PTCH1: variants seen among roughly 807,000 people sequenced by gnomAD.
The protein encoded by PTCH1 is patched 1, also known as protein patched homolog 1.
PTCH1 carries 14 observed loss-of-function variants against 144.6 expected under a neutral mutation model. The ratio of observed to expected loss-of-function variants is 0.10; its 90% CI spans 0.06 to 0.15. PTCH1 has a LOEUF of 0.15. Among genes scored for constraint, PTCH1 ranks in the 10% least tolerant of loss-of-function variants. The pLI is 1.00. For missense variants in PTCH1, 1,623 were observed against 1,948.3 expected, an observed-to-expected ratio of 0.83 and a Z score of 3.14; for synonymous variants, 833 against 793.6, an observed-to-expected ratio of 1.05 and a Z score of -0.83.
At chr9:95,485,914 A>G (rs760213529) in intron 2 of PTCH1, 40 bp from the exon 3 acceptor site, 1 of 1,606,862 alleles carries the variant, frequency 6.2e-7, no homozygotes, top group East Asian at 2.2e-5. Flanking sequence ...TAGCAAAATC[A>G]CTGCAAACTC....
exon 1 of PTCH1, chr9:95,516,775 A>G (rs1170721722): frequency 6.2e-7 from 1 of 1,612,792 alleles, no homozygotes; most frequent in East Asian, 2.2e-5. Flanking sequence ...GGCGGAGTGC[A>G]GCGCGGACTC....
At chr9:95,516,878 C>T (rs1844392144) in exon 1 of PTCH1, 2 of 1,459,766 alleles carry the variant, frequency 1.4e-6, no homozygotes, top group East Asian at 2.3e-5. Context: ...GGTCACGTGA[C>T]GGATCCGAAA....
chr9:95,511,457 G>A (rs1844157244), upstream of PTCH1, among the ~76,000 whole-genome samples: 1 of 152,240 alleles, frequency 6.6e-6, no homozygotes, highest in Non-Finnish European at 1.5e-5. Flanking sequence ...TCCCGAGGAA[G>A]AGAGGGAGAC....
rs1840338998 is a variant in PTCH1, at chr9:95,469,243, C to A, written c.1848-90G>T. The A allele has an allele frequency of 5.9e-6, 9 of 1,529,246 alleles. No individual in the cohort carries two copies. In the Admixed American group the frequency reaches 1.5e-4, roughly 26 times the overall value. 94.7% of individuals were successfully genotyped at this position (1,529,246 alleles called of 1,614,324 possible). ...CATTTTTCACTGTGTACGGAGAATACCCATTTTACACAGCTCTGACTTAGG... is the reference window on the plus strand; with the variant it reads ...CATTTTTCACTGTGTACGGAGAATAACCATTTTACACAGCTCTGACTTAGG... On this transcript the variant is annotated intron_variant, in intron 13 of 23. Transcript: ENST00000331920.
Position 95,446,928 on chromosome 9 carries a change from C to A in PTCH1, c.4328G>T (p.Gly1443Val), listed in dbSNP as rs864622100. The change falls in exon 23 of 24, where the codon GGA becomes GTA. Residue 1443 changes from glycine to valine, a missense_variant. Transcript: ENST00000331920. Reference protein sequence around the residue: ...QDVECEERPRGSSSN With the variant: ...QDVECEERPRVSSSN Reference sequence around the variant, plus strand: ...GCACTCACCTCAGTTGGAGCTGCTTCCCCGGGGCCTCTCCTCGCATTCCAC... The same window carrying A: ...GCACTCACCTCAGTTGGAGCTGCTTACCCGGGGCCTCTCCTCGCATTCCAC... 7.4e-6 allele frequency: 12 copies of A among 1,614,070 alleles called. No individual in the cohort carries two copies. Among genetic ancestry groups the A allele is most frequent in the Non-Finnish European group, 1.0e-5 (12 of 1,180,040 alleles).
chr9:95,455,735 G>GC (rs1416565608), intron 19 of PTCH1, among the ~76,000 whole-genome samples: 1 of 152,156 alleles, frequency 6.6e-6, no homozygotes, highest in African/African-American at 2.4e-5. Flanking sequence ...AACTGGGTGG[G>GC]CTTAGGTAGA....
At chr9:95,473,126 T>C (rs1840723491) in intron 12 of PTCH1, among the ~76,000 whole-genome samples, 1 of 152,208 alleles carries the variant, frequency 6.6e-6, no homozygotes, top group Non-Finnish European at 1.5e-5. Flanking sequence ...CCTAGTTAAT[T>C]ACAAAGAATT....
Position 95,474,389 on chromosome 9 carries a change from C to T in PTCH1, c.1728+1645G>A, listed in dbSNP as rs76197518. Among the ~76,000 whole-genome samples the T allele has an allele frequency of 1.2e-4, 18 of 152,292 alleles. No individual in the cohort carries two copies. In the East Asian group the frequency reaches 3.3e-3, roughly 28 times the overall value. On this transcript the variant is annotated intron_variant, in intron 12 of 23. Transcript: ENST00000331920. ...CACACCTGCGCACAAAGGCATTCTA[C>T]AACTTCAGCTGCACTGCGAGTCTGG...
chr9:95,515,232 CAG>C (rs1480442225), intron 1 of PTCH1, among the ~76,000 whole-genome samples: 59 of 152,178 alleles, frequency 3.9e-4, no homozygotes, highest in Non-Finnish European at 7.4e-5. Context: ...TGCACACACA[CAG>C]AATGCTGAAA....
intron 22 of PTCH1, 40 bp from the exon 23 acceptor site, chr9:95,447,491 G>A: frequency 6.6e-7 from 1 of 1,504,802 alleles, no homozygotes; most frequent in Non-Finnish European, 8.8e-7. Context: ...TGGTATCCCA[G>A]GCTGGGCATG....
intron 2 of PTCH1, among the ~76,000 whole-genome samples, chr9:95,502,105 C>CCCTG (rs1843189311): frequency 6.6e-6 from 1 of 152,198 alleles, no homozygotes; most frequent in Non-Finnish European, 1.5e-5. Context: ...AGGCTGCCCT[C>CCCTG]CAGGAGGCCA....
intron 16 of PTCH1, among the ~76,000 whole-genome samples, 173 bp downstream of exon 16, chr9:95,461,683 A>G (rs1839479426): frequency 6.6e-6 from 1 of 152,200 alleles, no homozygotes; most frequent in South Asian, 2.1e-4. Context: ...GAGGTCACAC[A>G]ATTAGCTGGT....
chr9:95,506,905 GAGAGA>G, intron 1 of PTCH1: 1 of 1,109,580 alleles, frequency 9.0e-7, no homozygotes, highest in East Asian at 5.3e-5. Flanking sequence ...AGGTAGAGAG[GAGAGA>G]AACCACTCGA....
In PTCH1 at chr9:95,445,674, G is replaced by C. The variant is rs1313269577; in HGVS notation, c.*719C>G. The C allele has an allele frequency of 2.6e-5, 4 of 152,486 alleles. No individual in the cohort carries two copies. Among genetic ancestry groups the C allele is most frequent in the Non-Finnish European group, 5.9e-5 (4 of 68,150 alleles). The allele number at this position is 152,486 out of a possible 1,614,324, so 9.4% of individuals were successfully genotyped here. ...AAAGATATCCTGACGCTTCCAGCCT[G>C]ACTAGGTCAGAGCCTACTACAGGTT... is the stretch of plus-strand genomic sequence containing the variant. On this transcript the variant is annotated 3_prime_UTR_variant, in exon 24 of 24. Transcript: ENST00000331920.
chr9:95,507,136 C>T (rs1451884537), intron 1 of PTCH1: 21 of 985,250 alleles, frequency 2.1e-5, no homozygotes, highest in Non-Finnish European at 2.3e-5. Flanking sequence ...GTGGTGAGCG[C>T]GGCCGCCGGA....
intron 15 of PTCH1, among the ~76,000 whole-genome samples, chr9:95,463,313 T>C (rs530307403): frequency 6.6e-6 from 1 of 151,568 alleles, no homozygotes; most frequent in East Asian, 1.9e-4. Context: ...GAGGAACAAT[T>C]TGGGGATGAC....
At chr9:95,451,271 T>A (rs1838436849) in intron 20 of PTCH1, 1 of 152,216 alleles carries the variant, frequency 6.6e-6, no homozygotes, top group Non-Finnish European at 1.5e-5. Flanking sequence ...GACATTTGCA[T>A]CCCATCCATC....
chr9:95,457,888 ATAT>A, intron 18 of PTCH1, 122 bp downstream of exon 18: 1 of 1,318,076 alleles, frequency 7.6e-7, no homozygotes, highest in Non-Finnish European at 1.1e-6. Context: ...TAGAATAAAC[ATAT>A]TACGGATGAT....
rs1841070214 is a variant in PTCH1, at chr9:95,476,750, T to C, written c.1602+9A>G. On this transcript the variant is annotated intron_variant, in intron 11 of 23. Transcript: ENST00000331920. This position sits in a 1 kb window ranked among gnomAD's most constrained non-coding sequence, Gnocchi z 4.6. ...TCCCCAAAGCTCTCTTCTTTTGTTT[T>C]TGCATTACCTCAAAAGGGATTCTTT... 5.0e-6 allele frequency: 8 copies of C among 1,611,636 alleles called. No homozygotes were observed. Among genetic ancestry groups the C allele is most frequent in the East Asian group, 2.2e-5 (1 of 44,826 alleles).
Sources: allele counts gnomAD v4.1 joint callset (sites outside exome capture counted in the v4.1 genomes callset), GRCh38; gene constraint gnomAD v4.1.1; non-coding constraint Gnocchi (gnomAD v3.1); transcripts MANE v1.5; gene names NCBI Gene and HGNC (gene_info 2026-07-23, HGNC 2026-07-21).